The following RYR2 variants were observed in gnomAD, a reference collection of about 807,000 sequenced individuals.
The protein encoded by RYR2 is ryanodine receptor 2.
Under a neutral mutation model 601.1 loss-of-function variants are expected in RYR2, and 227 were observed. The ratio of observed to expected loss-of-function variants is 0.38; its 90% CI spans 0.34 to 0.42. The LOEUF (loss-of-function observed/expected upper bound fraction) is 0.42. RYR2 is among the 10% of genes least tolerant of loss of function. The pLI is 1.00. For synonymous variants in RYR2, 2,223 were observed against 2,175.1 expected (o/e 1.02, Z -0.61); for missense variants, 4,646 against 6,156.5 (o/e 0.75, Z 8.21).
intron 1 of RYR2, among the ~76,000 whole-genome samples, chr1:237,218,065 C>A (rs754747210): frequency 6.6e-6 from 1 of 152,100 alleles, no homozygotes; most frequent in Admixed American, 6.5e-5. Flanking sequence ...GGATGCTTTT[C>A]GGTTGCACAT....
At chr1:237,760,212 C>T (rs1693307072) in intron 83 of RYR2, among the ~76,000 whole-genome samples, 1 of 150,652 alleles carries the variant, frequency 6.6e-6, no homozygotes, top group Admixed American at 6.6e-5. Flanking sequence ...AAAAGCTAGG[C>T]ATGGTGGCAA....
At chr1:237,618,167 T>C (rs1678682712) in intron 38 of RYR2, among the ~76,000 whole-genome samples, 1 of 152,178 alleles carries the variant, frequency 6.6e-6, no homozygotes, top group African/African-American at 2.4e-5. Flanking sequence ...TGAAAGTGTT[T>C]ATAGGGACTA....
At chr1:237,169,288 C>CT (rs527578394) in intron 1 of RYR2, among the ~76,000 whole-genome samples, 4 of 108,426 alleles carry the variant, frequency 3.7e-5, no homozygotes, top group East Asian at 2.7e-4. Flanking sequence ...GTGTGATTGC[C>CT]TTTTTTTTTT....
chr1:237,071,743 CT>C (rs1306521904), intron 1 of RYR2, among the ~76,000 whole-genome samples: 1 of 152,188 alleles, frequency 6.6e-6, no homozygotes. Context: ...TGTTTGCCCC[CT>C]GTGGCAATCA....
At chr1:237,654,184 G>T (rs1162661312) in intron 51 of RYR2, 90 bp from the exon 52 acceptor site, 2 of 1,475,734 alleles carry the variant, frequency 1.4e-6, no homozygotes, top group South Asian at 1.3e-5. Context: ...ACCTTATAAT[G>T]TAGCATTAGA....
At chr1:237,731,083 A>G (rs2149162986) in intron 77 of RYR2, among the ~76,000 whole-genome samples, 2 of 152,342 alleles carry the variant, frequency 1.3e-5, no homozygotes, top group South Asian at 2.1e-4. Flanking sequence ...TCTAATTCTT[A>G]AAAGCCTAAT....
At chr1:237,110,065 G>A (rs1669276602) in intron 1 of RYR2, among the ~76,000 whole-genome samples, 1 of 152,126 alleles carries the variant, frequency 6.6e-6, no homozygotes, top group Admixed American at 6.5e-5. Context: ...CCATATCCTG[G>A]TATGAATTTT....
At chr1:237,170,144 A>G (rs1303275602) in intron 1 of RYR2, among the ~76,000 whole-genome samples, 1 of 152,244 alleles carries the variant, frequency 6.6e-6, no homozygotes, top group East Asian at 1.9e-4. Flanking sequence ...ACACATGGTA[A>G]TAGGAAGAGA....
intron 1 of RYR2, among the ~76,000 whole-genome samples, chr1:237,145,474 T>C (rs1181488556): frequency 6.6e-6 from 1 of 152,232 alleles, no homozygotes; most frequent in African/African-American, 2.4e-5. Context: ...TTGTATCTCC[T>C]GGCGCCATAT....
chr1:237,161,918 A>G (rs1416172509), intron 1 of RYR2, among the ~76,000 whole-genome samples: 1 of 152,202 alleles, frequency 6.6e-6, no homozygotes, highest in African/African-American at 2.4e-5. Flanking sequence ...AAATACGTCA[A>G]ATCTTTGTTC....
At chr1:237,711,930 A>G (rs1688876728) in intron 71 of RYR2, 93 bp downstream of exon 71, 1 of 684,158 alleles carries the variant, frequency 1.5e-6, no homozygotes, top group Non-Finnish European at 2.6e-6. Context: ...AAGATTTGTA[A>G]CTGGAATCTG....
intron 35 of RYR2, among the ~76,000 whole-genome samples, chr1:237,605,612 A>C (rs946145666): frequency 1.2e-4 from 18 of 152,258 alleles, no homozygotes; most frequent in African/African-American, 3.9e-4. Flanking sequence ...AATTAGGAAA[A>C]GAGGAAGTCA....
At chr1:237,431,513 T>C (rs1207512344) in intron 12 of RYR2, among the ~76,000 whole-genome samples, 1 of 152,198 alleles carries the variant, frequency 6.6e-6, no homozygotes, top group Non-Finnish European at 1.5e-5. Flanking sequence ...TATTCTTTAA[T>C]AGAATTTGGC....
At chr1:237,578,662 G>A (rs1228667594) in intron 29 of RYR2, among the ~76,000 whole-genome samples, 1 of 151,122 alleles carries the variant, frequency 6.6e-6, no homozygotes, top group Middle Eastern at 3.4e-3. Flanking sequence ...CCTCTTTTGG[G>A]GGTAATTTTG....
At chr1:237,245,219 G>GAA (rs1271789315) in intron 1 of RYR2, among the ~76,000 whole-genome samples, 2 of 138,002 alleles carry the variant, frequency 1.4e-5, no homozygotes. Flanking sequence ...TCTGTCTTTG[G>GAA]AAAAAAAAAA....
intron 19 of RYR2, among the ~76,000 whole-genome samples, chr1:237,496,020 T>C (rs1664031368): frequency 6.6e-6 from 1 of 152,248 alleles, no homozygotes; most frequent in African/African-American, 2.4e-5. Flanking sequence ...CTCTGTGTAC[T>C]ACCTCAGTGG....
chr1:237,713,627 G>T (rs1269460488), intron 71 of RYR2, among the ~76,000 whole-genome samples: 1 of 152,074 alleles, frequency 6.6e-6, no homozygotes, highest in African/African-American at 2.4e-5. Context: ...TCAAACTCCT[G>T]ACCTCGTGAT....
chr1:237,074,715 G>A (rs977476618), intron 1 of RYR2, among the ~76,000 whole-genome samples: 1 of 152,138 alleles, frequency 6.6e-6, no homozygotes, highest in Non-Finnish European at 1.5e-5. Flanking sequence ...GTCCTTCTTC[G>A]CCCAGTGTAA....
chr1:237,389,013 A>T (rs1702163692), intron 10 of RYR2, among the ~76,000 whole-genome samples: 1 of 152,164 alleles, frequency 6.6e-6, no homozygotes, highest in Non-Finnish European at 1.5e-5. Flanking sequence ...CAGCTGCATA[A>T]TCTCAGGAAA....
Sources: allele counts gnomAD v4.1 joint callset (sites outside exome capture counted in the v4.1 genomes callset), GRCh38; gene constraint gnomAD v4.1.1; transcripts MANE v1.5; gene names NCBI Gene and HGNC (gene_info 2026-07-23, HGNC 2026-07-21).